Variants in FBXW4 observed in about 807,000 individuals in gnomAD.
FBXW4 encodes the protein F-box and WD repeat domain containing 4.
In FBXW4, 40 loss-of-function variants were observed where a neutral mutation model predicts 61.8. The observed-to-expected ratio is 0.65, with a 90% CI of 0.50 to 0.84. FBXW4 has a LOEUF of 0.84. Among genes scored for constraint, FBXW4 ranks in the 40% least tolerant of loss-of-function variants. The pLI is 0.00. For missense variants in FBXW4, 672 were observed against 753.8 expected (o/e 0.89, Z 1.27); for synonymous variants, 311 against 313.8 (o/e 0.99, Z 0.10).
intron 5 of FBXW4, among the ~76,000 whole-genome samples, chr10:101,632,716 T>C (rs150244056): frequency 4.4e-4 from 67 of 152,326 alleles, no homozygotes; most frequent in African/African-American, 1.5e-3. Context: ...CTAAACTGGA[T>C]TTCCATCTAC....
chr10:101,628,017 C>T, intron 5 of FBXW4: 2 of 984,510 alleles, frequency 2.0e-6, no homozygotes, highest in Non-Finnish European at 2.4e-6. Flanking sequence ...ATGTCTTCAA[C>T]CAGATTCTCG....
intron 5 of FBXW4, among the ~76,000 whole-genome samples, chr10:101,646,162 T>G (rs77911865): frequency 0.032 from 4,862 of 152,298 alleles, 98 homozygotes; most frequent in East Asian, 0.11. Flanking sequence ...ACTGTTCCCC[T>G]GCAGTATGGG....
In FBXW4 at chr10:101,611,487, C is replaced by T. The variant is rs1035078990; in HGVS notation, c.1585-77G>A. 2 of 1,572,318 alleles carry T rather than the reference C, an allele frequency of 1.3e-6. No individual in the cohort carries two copies. Among genetic ancestry groups the T allele is most frequent in the Non-Finnish European group, 1.7e-6 (2 of 1,155,568 alleles). On this transcript the variant is annotated intron_variant, in intron 8 of 8. Transcript: ENST00000331272. The surrounding 1 kb of genome is among the most constrained non-coding windows in gnomAD (Gnocchi z 4.9). ...TGTGCCCTAACCCAGGATCCCCAGG[C>T]CCAGGGGAAGAGGGACGTGTGCCAT...
chr10:101,659,912 G>A (rs2064226300), intron 5 of FBXW4, among the ~76,000 whole-genome samples: 1 of 152,154 alleles, frequency 6.6e-6, no homozygotes, highest in Admixed American at 6.5e-5. Context: ...TGGGGTAGGT[G>A]GAAGTATTTG....
chr10:101,656,537 G>C (rs1363494935), intron 5 of FBXW4, among the ~76,000 whole-genome samples: 1 of 152,194 alleles, frequency 6.6e-6, no homozygotes, highest in African/African-American at 2.4e-5. Context: ...CCCACATATG[G>C]AGGCTCCAGT....
intron 6 of FBXW4, among the ~76,000 whole-genome samples, chr10:101,620,082 C>T (rs1046417087): frequency 1.3e-5 from 2 of 152,168 alleles, no homozygotes; most frequent in East Asian, 3.9e-4. Flanking sequence ...TGCCCAAGCC[C>T]CAGCACATAC....
chr10:101,644,801 C>T (rs558079978), intron 5 of FBXW4, among the ~76,000 whole-genome samples: 23 of 152,320 alleles, frequency 1.5e-4, no homozygotes, highest in African/African-American at 5.5e-4. Flanking sequence ...CTGCCCATAG[C>T]ACAGGCCACT....
At chr10:101,612,620 T>C (rs2063797279) in intron 6 of FBXW4, 143 bp from the exon 7 acceptor site, 2 of 962,784 alleles carry the variant, frequency 2.1e-6, no homozygotes, top group South Asian at 5.6e-5. Flanking sequence ...AGGGAGGAGA[T>C]GCCCAATTCC....
intron 6 of FBXW4, among the ~76,000 whole-genome samples, chr10:101,620,820 T>C (rs996690858): frequency 1.3e-5 from 2 of 152,140 alleles, no homozygotes; most frequent in Non-Finnish European, 2.9e-5. Context: ...CCATTCTGGT[T>C]TCAATAAAGA....
At chr10:101,679,082 C>A (rs891090891) in intron 1 of FBXW4, among the ~76,000 whole-genome samples, 4 of 152,156 alleles carry the variant, frequency 2.6e-5, no homozygotes, top group African/African-American at 7.2e-5. Flanking sequence ...TATGTATTCA[C>A]TGTAGATAAG....
At chr10:101,635,053 A>G (rs2063989634) in intron 5 of FBXW4, among the ~76,000 whole-genome samples, 2 of 149,378 alleles carry the variant, frequency 1.3e-5, no homozygotes, top group Non-Finnish European at 3.0e-5. Context: ...GTGGTGGGCA[A>G]GCAAACTTCA....
chr10:101,687,826 T>C (rs577202820), intron 1 of FBXW4, among the ~76,000 whole-genome samples: 2 of 152,288 alleles, frequency 1.3e-5, no homozygotes, highest in African/African-American at 2.4e-5. Flanking sequence ...TGCTCTTCAA[T>C]TCTGTCTAAA....
At chr10:101,634,123 TAAATAAAATAA>T (rs937154145) in intron 5 of FBXW4, among the ~76,000 whole-genome samples, 8 of 149,658 alleles carry the variant, frequency 5.3e-5, no homozygotes, top group Admixed American at 2.0e-4. Context: ...AAAAAATAAA[TAAATAAAATAA>T]AAATAAAATA....
chr10:101,615,404 C>T (rs540480640), intron 6 of FBXW4, among the ~76,000 whole-genome samples: 1 of 152,220 alleles, frequency 6.6e-6, no homozygotes, highest in East Asian at 1.9e-4. Context: ...CGAGTCAAGT[C>T]CAGCAATTCT....
chr10:101,680,650 T>C (rs898895209), intron 1 of FBXW4, among the ~76,000 whole-genome samples: 2 of 152,206 alleles, frequency 1.3e-5, no homozygotes, highest in Non-Finnish European at 2.9e-5. Flanking sequence ...ACCTCACATC[T>C]ATTAAGTAGA....
intron 6 of FBXW4, among the ~76,000 whole-genome samples, chr10:101,623,873 T>C (rs1483561659): frequency 6.6e-6 from 1 of 152,002 alleles, no homozygotes; most frequent in Non-Finnish European, 1.5e-5. Context: ...ATTTGCAAAA[T>C]GACAAAATTA....
rs2063895108 is a variant in FBXW4 at position 101,624,819 on chromosome 10, CAA to C, written c.1236-11_1236-10del. ...TCCCTGTCACAAAAGAGCTGCCAAA[CAA>C]AAGGAGAACAAAGTCAGATCTGGCT... is the stretch of plus-strand genomic sequence containing the variant. On this transcript the variant is annotated splice_polypyrimidine_tract_variant and intron_variant, in intron 5 of 8. Transcript: ENST00000331272. The C allele has an allele frequency of 6.2e-7, 1 of 1,614,224 alleles. No individual in the cohort carries two copies. Among genetic ancestry groups the C allele is most frequent in the African/African-American group, 1.3e-5 (1 of 75,068 alleles).
At chr10:101,630,840 T>C (rs112391054) in intron 5 of FBXW4, among the ~76,000 whole-genome samples, 3,076 of 152,266 alleles carry the variant, frequency 0.02, 116 homozygotes, top group East Asian at 0.12. Flanking sequence ...AGGCAAATCT[T>C]GTTATCTGTC....
At chr10:101,654,307 C>T (rs2064168500) in intron 5 of FBXW4, among the ~76,000 whole-genome samples, 2 of 152,044 alleles carry the variant, frequency 1.3e-5, no homozygotes, top group Non-Finnish European at 2.9e-5. Flanking sequence ...GTGATAGTTG[C>T]ACAACTTTAT....
Sources: gnomAD v4.1 joint callset for allele counts (sites outside exome capture counted in the v4.1 genomes callset) on GRCh38, gnomAD v4.1.1 for gene constraint, Gnocchi (gnomAD v3.1) non-coding constraint, MANE v1.5 for transcripts, NCBI Gene and HGNC (gene_info 2026-07-23, HGNC 2026-07-21) for gene names.